Variants in KIRREL3 observed in about 807,000 individuals in gnomAD.
KIRREL3 encodes the protein kin of IRRE-like protein 3.
A neutral mutation model predicts 89.7 loss-of-function variants in KIRREL3; 36 were observed. That is an observed-to-expected ratio of 0.40 (90% CI 0.31 to 0.53). KIRREL3 has a LOEUF of 0.53. Ranked by LOEUF, KIRREL3 falls within the 20% of genes least tolerant of loss-of-function variation. The probability of loss-of-function intolerance (pLI) is 0.49; values close to 1 mark genes in which losing one functional copy is unlikely to be tolerated. For missense variants in KIRREL3, 864 were observed against 1,056.6 expected (o/e 0.82, Z 2.53); for synonymous variants, 445 against 441.4 (o/e 1.01, Z -0.10).
At chr11:126,949,551 C>T (rs73016619) in intron 1 of KIRREL3, among the ~76,000 whole-genome samples, 13,874 of 152,234 alleles carry the variant, frequency 0.091, 729 homozygotes, top group East Asian at 0.27. Flanking sequence ...CCTGGATGCT[C>T]TCACCCTTGG....
chr11:126,425,739 A>T lies in KIRREL3; in HGVS notation c.1807-15T>A. The T allele has an allele frequency of 1.3e-6, 2 of 1,582,256 alleles. No homozygotes were observed. The highest frequency in any genetic ancestry group is 1.7e-6 in the Non-Finnish European group (2 of 1,162,330). ...CCCCGGTCCATCTGCAACCCAAAAA[A>T]GGCTGCTCAGTAGATAGGAGGTGGC... On this transcript the variant is annotated splice_polypyrimidine_tract_variant and intron_variant, in intron 15 of 16. Coordinates refer to ENST00000525144, the MANE Select transcript of KIRREL3 (RefSeq NM_032531.4).
chr11:126,856,555 G>GTGTATA (rs1301006393), intron 1 of KIRREL3, among the ~76,000 whole-genome samples: 1 of 136,738 alleles, frequency 7.3e-6, no homozygotes, highest in African/African-American at 2.7e-5. Context: ...ATTTTTCTAA[G>GTGTATA]TATATATATA....
Position 126,837,348 on chromosome 11 carries a change from G to T in KIRREL3, c.55+163107C>A, listed in dbSNP as rs937823546. On this transcript the variant is annotated intron_variant, in intron 1 of 16. Transcript: ENST00000525144. This position sits in a 1 kb window ranked among gnomAD's most constrained non-coding sequence, Gnocchi z 4.7. The stretch of plus-strand genomic sequence containing the variant: ...TTTCTTTTTCCTTGAGTACAAAGAA[G>T]AAAATTATCAAATATAGCTGAGATA... 5.3e-5 allele frequency among the ~76,000 whole-genome samples: 8 copies of T among 152,178 alleles called. 1 individual carries two copies. Among genetic ancestry groups the T allele is most frequent in the Non-Finnish European group, 7.3e-5 (5 of 68,028 alleles).
chr11:126,962,997 G>C (rs1460942688), intron 1 of KIRREL3, among the ~76,000 whole-genome samples: 1 of 152,094 alleles, frequency 6.6e-6, no homozygotes, highest in Non-Finnish European at 1.5e-5. Context: ...AATAGACTAT[G>C]GTATAGTGTA....
chr11:126,440,871 T>C (rs1380520886), intron 10 of KIRREL3: 1 of 397,656 alleles, frequency 2.5e-6, no homozygotes, highest in African/African-American at 2.1e-5. Context: ...GGAGAGAGAA[T>C]AATTCTATCT....
chr11:126,651,862 A>G lies in KIRREL3; in HGVS notation c.56-88950T>C, dbSNP rs1432548280. Among the ~76,000 whole-genome samples the G allele has an allele frequency of 3.9e-5, 6 of 152,366 alleles. No homozygotes were observed. In the East Asian group the frequency reaches 9.6e-4, roughly 24 times the overall value. ...AATTGTGATGAAGGGTTCATAAAGC[A>G]GTGGATGTTCAATTTTCCCATTTGG... is the stretch of plus-strand genomic sequence containing the variant. On this transcript the variant is annotated intron_variant, in intron 1 of 16. Coordinates refer to ENST00000525144, the MANE Select transcript of KIRREL3 (RefSeq NM_032531.4). This position sits in a 1 kb window ranked among gnomAD's most constrained non-coding sequence, Gnocchi z 4.6.
intron 1 of KIRREL3, among the ~76,000 whole-genome samples, chr11:126,950,989 TAAG>T (rs1246995122): frequency 2.0e-4 from 31 of 152,150 alleles, no homozygotes; most frequent in Admixed American, 2.0e-3. Context: ...TGTGTTCTGT[TAAG>T]AAAAAAAACA....
At chr11:126,630,843 C>A (rs1261136538) in intron 1 of KIRREL3, among the ~76,000 whole-genome samples, 1 of 152,184 alleles carries the variant, frequency 6.6e-6, no homozygotes, top group East Asian at 1.9e-4. Flanking sequence ...GGCAACTCCA[C>A]AGGGTGAGCC....
At position 126,622,630 on chromosome 11, in the gene KIRREL3, A is replaced by G. The variant is rs1349452473; in HGVS notation, c.56-59718T>C. Among the ~76,000 whole-genome samples, 1 of 152,198 alleles carries G rather than the reference A, an allele frequency of 6.6e-6. No homozygotes were observed. The highest frequency in any genetic ancestry group is 1.5e-5 in the Non-Finnish European group (1 of 68,032). ...CTTGAACCCTGGAGGCGGAGGTTGC[A>G]GTGAGCTGAGATCACGCCAGTGCAC... On this transcript the variant is annotated intron_variant, in intron 1 of 16. Transcript: ENST00000525144. The surrounding 1 kb of genome is among the most constrained non-coding windows in gnomAD (Gnocchi z 5.2).
At chr11:126,584,317 C>T (rs1941711877) in intron 1 of KIRREL3, among the ~76,000 whole-genome samples, 1 of 152,324 alleles carries the variant, frequency 6.6e-6, no homozygotes, top group African/African-American at 2.4e-5. Flanking sequence ...AGATCCTATA[C>T]AGCTTATTCC....
chr11:126,450,603 G>A (rs1424910076), intron 7 of KIRREL3, among the ~76,000 whole-genome samples: 1 of 151,338 alleles, frequency 6.6e-6, no homozygotes, highest in Non-Finnish European at 1.5e-5. Flanking sequence ...GCATGTGTGT[G>A]TCCATCGGCG....
chr11:126,479,954 A>ATAGGGCT (rs1220230477), intron 4 of KIRREL3, among the ~76,000 whole-genome samples: 1 of 152,152 alleles, frequency 6.6e-6, no homozygotes, highest in Non-Finnish European at 1.5e-5. Flanking sequence ...GGCCAAGTGT[A>ATAGGGCT]TAGGGCTTCT....
intron 1 of KIRREL3, among the ~76,000 whole-genome samples, chr11:126,753,877 G>A (rs187364698): frequency 6.6e-5 from 10 of 152,298 alleles, no homozygotes; most frequent in African/African-American, 1.9e-4. Flanking sequence ...TCCACAGATC[G>A]TATTAGTCTT....
intron 1 of KIRREL3, among the ~76,000 whole-genome samples, chr11:126,634,943 G>A (rs1944205350): frequency 6.6e-6 from 1 of 152,198 alleles, no homozygotes; most frequent in Admixed American, 6.5e-5. Flanking sequence ...ACCCAGGGAA[G>A]AAAGCAGCAC....
rs2134185802 is a variant in KIRREL3 at position 126,443,316 on chromosome 11, T to G, written c.1252+1663A>C. ...CGCGGGCTGTGTGGAGGGCCGCTGATTTCACTGGGGCCTGGAGCTCTGAGC... is the reference window on the plus strand; with the variant it reads ...CGCGGGCTGTGTGGAGGGCCGCTGAGTTCACTGGGGCCTGGAGCTCTGAGC... On this transcript the variant is annotated intron_variant, in intron 10 of 16. Coordinates refer to ENST00000525144, the MANE Select transcript of KIRREL3 (RefSeq NM_032531.4). The surrounding 1 kb of genome is among the most constrained non-coding windows in gnomAD (Gnocchi z 7.3). 6.6e-6 allele frequency among the ~76,000 whole-genome samples: 1 copy of G among 152,194 alleles called. No individual in the cohort carries two copies. Among genetic ancestry groups the G allele is most frequent in the South Asian group, 2.1e-4 (1 of 4,822 alleles).
At chr11:126,925,553 G>T (rs1367875335) in intron 1 of KIRREL3, among the ~76,000 whole-genome samples, 3 of 152,192 alleles carry the variant, frequency 2.0e-5, no homozygotes, top group Non-Finnish European at 4.4e-5. Flanking sequence ...GTCAGGGACT[G>T]GGAGTTTGGC....
intron 1 of KIRREL3, among the ~76,000 whole-genome samples, chr11:126,613,291 T>C (rs1018261868): frequency 4.6e-5 from 7 of 152,110 alleles, no homozygotes; most frequent in Admixed American, 4.6e-4. Context: ...CACGCAGCAG[T>C]GTTTTAAGGT....
chr11:126,772,383 G>A lies in KIRREL3; in HGVS notation c.56-209471C>T, dbSNP rs1286110253. On this transcript the variant is annotated intron_variant, in intron 1 of 16. Transcript: ENST00000525144. This position sits in a 1 kb window ranked among gnomAD's most constrained non-coding sequence, Gnocchi z 4.6. ...GACAGGCATGCAGGTGGAATGCCAGGCTCAGCGGCACCACGTGGTGCGGGG... is the reference window on the plus strand; with the variant it reads ...GACAGGCATGCAGGTGGAATGCCAGACTCAGCGGCACCACGTGGTGCGGGG... Among the ~76,000 whole-genome samples the A allele has an allele frequency of 1.3e-5, 2 of 152,170 alleles. No homozygotes were observed. The highest frequency in any genetic ancestry group is 4.8e-5 in the African/African-American group (2 of 41,438).
At position 126,811,041 on chromosome 11, in the gene KIRREL3, A is replaced by G. The variant is rs796235111; in HGVS notation, c.55+189414T>C. On this transcript the variant is annotated intron_variant, in intron 1 of 16. Coordinates refer to ENST00000525144, the MANE Select transcript of KIRREL3 (RefSeq NM_032531.4). The surrounding 1 kb of genome is among the most constrained non-coding windows in gnomAD (Gnocchi z 4.3). ...TCTGCTTCGTTCTCTTGGCCACCCA[A>G]GCTGTCTGCCTTCCCTGGCTACACC... Among the ~76,000 whole-genome samples, 5 of 152,222 alleles carry G rather than the reference A, an allele frequency of 3.3e-5. No homozygotes were observed. The highest frequency in any genetic ancestry group is 1.2e-4 in the African/African-American group (5 of 41,520).
Sources: allele counts gnomAD v4.1 joint callset (sites outside exome capture counted in the v4.1 genomes callset), GRCh38; gene constraint gnomAD v4.1.1; non-coding constraint Gnocchi (gnomAD v3.1); transcripts MANE v1.5; gene names NCBI Gene and HGNC (gene_info 2026-07-23, HGNC 2026-07-21).